The following CLCN5 variants were observed in gnomAD, a reference collection of about 807,000 sequenced individuals.
The protein encoded by CLCN5 is H(+)/Cl(-) exchange transporter 5.
CLCN5 carries 17 observed loss-of-function variants against 54.0 expected under a neutral mutation model. That is an observed-to-expected ratio of 0.31 (90% CI 0.22 to 0.47). The LOEUF is 0.47. Ranked by LOEUF, CLCN5 falls within the 20% of genes least tolerant of loss-of-function variation. The pLI is 1.00. For synonymous variants in CLCN5, 222 were observed against 233.0 expected (o/e 0.95, Z 0.43); for missense variants, 448 against 646.7 (o/e 0.69, Z 3.33).
At chrX:50,076,359 G>A (rs1933404597) in intron 7 of CLCN5, among the ~76,000 whole-genome samples, 1 of 112,143 alleles carries the variant, frequency 8.9e-6, no homozygotes, top group Non-Finnish European at 1.9e-5. Flanking sequence ...ATGTGTTTAT[G>A]TATATGGATT....
intron 4 of CLCN5, among the ~76,000 whole-genome samples, chrX:50,055,074 A>G (rs184751613): frequency 6.5e-4 from 73 of 111,532 alleles, no homozygotes; most frequent in African/African-American, 2.3e-3. Flanking sequence ...GAGATACTAG[A>G]TTGTCCTGTA....
At chrX:49,944,602 T>G (rs59263364) in intron 3 of CLCN5, among the ~76,000 whole-genome samples, 16,851 of 110,961 alleles carry the variant, frequency 0.15, 3,134 homozygotes, top group African/African-American at 0.53. Context: ...TTATTGAGAG[T>G]TTTTAGCATG....
intron 14 of CLCN5, among the ~76,000 whole-genome samples, chrX:50,091,856 G>C (rs1557194851): frequency 8.9e-6 from 1 of 112,260 alleles, no homozygotes; most frequent in Non-Finnish European, 1.9e-5. Context: ...GGCTGCAGTA[G>C]ATAAGATTCA....
chrX:49,962,920 G>A (rs1347352972), intron 3 of CLCN5, among the ~76,000 whole-genome samples: 2 of 111,840 alleles, frequency 1.8e-5, no homozygotes, highest in Non-Finnish European at 3.8e-5. Flanking sequence ...TCCAGTATTA[G>A]AATGATAATA....
chrX:50,040,601 A>G (rs1443910071), intron 3 of CLCN5, among the ~76,000 whole-genome samples: 1 of 112,231 alleles, frequency 8.9e-6, no homozygotes, highest in Non-Finnish European at 1.9e-5. Flanking sequence ...TGATGTTTCA[A>G]TACATGTATA....
At chrX:49,944,699 A>G (rs923441147) in intron 3 of CLCN5, among the ~76,000 whole-genome samples, 2 of 111,735 alleles carry the variant, frequency 1.8e-5, no homozygotes, top group African/African-American at 6.5e-5. Context: ...TATATGCTGG[A>G]TTACATTTAT....
At chrX:50,008,361 A>G in intron 3 of CLCN5, 1 of 285,002 alleles carries the variant, frequency 3.5e-6, no homozygotes, top group East Asian at 8.3e-5. Flanking sequence ...CTTCTATATC[A>G]TGACAAGTAA....
chrX:50,012,978 A>T (rs781804645), intron 3 of CLCN5, among the ~76,000 whole-genome samples: 4 of 111,842 alleles, frequency 3.6e-5, no homozygotes, highest in African/African-American at 1.3e-4. Context: ...AGACTGTGGC[A>T]GGGAAGCCAT....
rs1934065696 is a variant in CLCN5, at chrX:50,090,719, T to C, written c.2193T>C (p.Tyr731=). ...GGGTTGTTAGCACTTCCATCATTTA[T>C]TTCACGGAGCATTCTCCTCCATTGC... ...QDGVVSTSII[Y]FTEHSPPLPP... The change falls in exon 14 of 15, where the codon TAT becomes TAC. Residue 731 remains tyrosine, a synonymous_variant. Coordinates refer to ENST00000376091, the MANE Select transcript of CLCN5 (RefSeq NM_001127898.4). 8.3e-7 allele frequency: 1 copy of C among 1,208,919 alleles called. No homozygotes were observed. The highest frequency in any genetic ancestry group is 1.8e-5 in the African/African-American group (1 of 57,114).
intron 3 of CLCN5, among the ~76,000 whole-genome samples, chrX:49,951,542 G>A (rs1557172996): frequency 8.9e-6 from 1 of 111,787 alleles, no homozygotes; most frequent in African/African-American, 3.3e-5. Context: ...CTTATAATGT[G>A]GTAAAAGAAC....
chrX:49,999,280 G>C (rs1027180930), intron 3 of CLCN5, among the ~76,000 whole-genome samples: 1 of 111,252 alleles, frequency 9.0e-6, no homozygotes, highest in Non-Finnish European at 1.9e-5. Context: ...GGTGTGAGCT[G>C]TCTCAGTTCC....
intron 3 of CLCN5, among the ~76,000 whole-genome samples, chrX:50,018,412 A>C (rs1464443777): frequency 1.8e-5 from 2 of 112,017 alleles, no homozygotes; most frequent in African/African-American, 6.5e-5. Context: ...GTGAAAAAAA[A>C]GTTTTTATTT....
intron 3 of CLCN5, among the ~76,000 whole-genome samples, chrX:50,025,659 C>G (rs1388604046): frequency 9.0e-6 from 1 of 111,439 alleles, no homozygotes; most frequent in Non-Finnish European, 1.9e-5. Flanking sequence ...CTTACTTACT[C>G]TTTCCATCTA....
chrX:50,056,474 C>A (rs1932752008), intron 4 of CLCN5, among the ~76,000 whole-genome samples: 1 of 111,472 alleles, frequency 9.0e-6, no homozygotes, highest in Non-Finnish European at 1.9e-5. Context: ...TTGTGGGGAG[C>A]CCTCTCAGCA....
chrX:49,959,011 C>T lies in CLCN5; in HGVS notation c.16+33697C>T, dbSNP rs187037263. ...GCCTAAAAGCTTGTTTTCTGTGCAG[C>T]TTATGTTGTGTTCTTTAGTCACTTC... is the stretch of plus-strand genomic sequence containing the variant. On this transcript the variant is annotated intron_variant, in intron 3 of 14. Coordinates refer to ENST00000376091, the MANE Select transcript of CLCN5 (RefSeq NM_001127898.4). Among the ~76,000 whole-genome samples, 10 of 110,471 alleles carry T rather than the reference C, an allele frequency of 9.1e-5. No individual in the cohort carries two copies. In the East Asian group the frequency reaches 2.3e-3, roughly 25 times the overall value.
At chrX:50,027,283 G>A (rs1045980072) in intron 3 of CLCN5, among the ~76,000 whole-genome samples, 2 of 111,229 alleles carry the variant, frequency 1.8e-5, no homozygotes, top group East Asian at 2.8e-4. Flanking sequence ...CAAAGTGCTA[G>A]GATTACAGGG....
At chrX:50,060,395 C>G (rs1453680424) in intron 4 of CLCN5, among the ~76,000 whole-genome samples, 1 of 108,764 alleles carries the variant, frequency 9.2e-6, no homozygotes, top group African/African-American at 3.3e-5. Context: ...AAAGGGGTGA[C>G]GGACGCACCT....
At chrX:50,044,144 T>G (rs1418640702) in intron 4 of CLCN5, among the ~76,000 whole-genome samples, 3 of 111,891 alleles carry the variant, frequency 2.7e-5, no homozygotes, top group African/African-American at 9.7e-5. Flanking sequence ...TATATAGTGC[T>G]TATAACTATA....
At position 50,095,102 on chromosome X, in the gene CLCN5, T is replaced by C. The variant is rs1416655907; in HGVS notation, c.*2883T>C. On this transcript the variant is annotated 3_prime_UTR_variant, in exon 15 of 15. Transcript: ENST00000376091. ...ACTATTTTGGTATTAAATGAGAAAA[T>C]TGCCTAACACAAGGGAAGGGTTTAC... 3 of 112,030 alleles carry C rather than the reference T, an allele frequency of 2.7e-5. No homozygotes were observed. The highest frequency in any genetic ancestry group is 9.5e-5 in the Admixed American group (1 of 10,504). 9.2% of individuals were successfully genotyped at this position (112,030 alleles called of 1,213,427 possible). A position where few individuals can be genotyped will look rare whatever the true frequency, so the allele number is the denominator to read the frequency against.
Sources: allele counts gnomAD v4.1 joint callset (sites outside exome capture counted in the v4.1 genomes callset), GRCh38; gene constraint gnomAD v4.1.1; transcripts MANE v1.5; gene names NCBI Gene and HGNC (gene_info 2026-07-23, HGNC 2026-07-21).